Variants in VIPR1 observed in about 807,000 individuals in gnomAD.
The protein encoded by VIPR1 is vasoactive intestinal polypeptide receptor 1.
VIPR1 carries 59 observed loss-of-function variants against 58.8 expected under a neutral mutation model. The ratio of observed to expected loss-of-function variants is 1.00; its 90% confidence interval spans 0.81 to 1.25. The LOEUF (loss-of-function observed/expected upper bound fraction) is 1.25, where lower values mean the gene tolerates loss of function less well. Among genes scored for constraint, VIPR1 ranks in the 50% most tolerant of loss-of-function variants. The probability of loss-of-function intolerance (pLI) is 0.00; values close to 1 mark genes in which losing one functional copy is unlikely to be tolerated. For missense variants in VIPR1, 626 were observed against 602.7 expected (o/e 1.04, Z -0.40); for synonymous variants, 251 against 242.1 (o/e 1.04, Z -0.34).
chr3:42,536,116 G>C lies in VIPR1; in HGVS notation c.1209G>C (p.Trp403Cys), dbSNP rs767524707. Residue 403 changes from tryptophan to cysteine, a missense_variant, in exon 13 of 13, where the codon TGG (tryptophan) becomes TGC (cysteine). Coordinates refer to ENST00000325123, the MANE Select transcript of VIPR1 (RefSeq NM_004624.4). ...TGCAGGCGGAGCTGAGGCGGAAGTG[G>C]CGGCGCTGGCACCTGCAGGGCGTCC... Reference protein sequence around the residue: ...GEVQAELRRKWRRWHLQGVLG... With the variant: ...GEVQAELRRKCRRWHLQGVLG... 2 of 1,603,368 alleles carry C rather than the reference G, an allele frequency of 1.2e-6. No individual in the cohort carries two copies. The highest frequency in any genetic ancestry group is 4.5e-5 in the East Asian group (2 of 44,332).
At chr3:42,532,411 C>A in intron 10 of VIPR1, 78 bp downstream of exon 10, 3 of 1,425,744 alleles carry the variant, frequency 2.1e-6, no homozygotes, top group African/African-American at 1.4e-5. Context: ...CCTTGAAGTC[C>A]TCCCACCCCA....
chr3:42,523,794 A>G (rs918905385), intron 3 of VIPR1, among the ~76,000 whole-genome samples: 1 of 151,782 alleles, frequency 6.6e-6, no homozygotes, highest in Non-Finnish European at 1.5e-5. Flanking sequence ...CCCAGCTTCA[A>G]GGCTGGGTGA....
chr3:42,510,673 C>T (rs1700318516), intron 1 of VIPR1, among the ~76,000 whole-genome samples: 1 of 152,150 alleles, frequency 6.6e-6, no homozygotes, highest in Non-Finnish European at 1.5e-5. Flanking sequence ...TTTGGGTCTC[C>T]ATTTCCTCTA....
At chr3:42,531,961 T>A in intron 9 of VIPR1, 92 bp downstream of exon 9, 2 of 1,454,394 alleles carry the variant, frequency 1.4e-6, no homozygotes, top group Admixed American at 3.6e-5. Context: ...AGTATCTAGG[T>A]CAGAACTGAA....
intron 3 of VIPR1, among the ~76,000 whole-genome samples, chr3:42,522,101 A>ATATATATATT (rs1419353370): frequency 2.8e-5 from 1 of 35,380 alleles, no homozygotes; most frequent in African/African-American, 1.1e-4. Context: ...ATATATATAT[A>ATATATATATT]TTTTTTTTTT....
intron 3 of VIPR1, among the ~76,000 whole-genome samples, chr3:42,521,084 C>T (rs531397907): frequency 6.6e-6 from 1 of 152,190 alleles, no homozygotes; most frequent in African/African-American, 2.4e-5. Context: ...TGAGACTCTG[C>T]TAACTGCATT....
At chr3:42,498,249 G>A (rs1005788774), upstream of VIPR1, among the ~76,000 whole-genome samples, 56 of 152,198 alleles carry the variant, frequency 3.7e-4, no homozygotes, top group East Asian at 1.9e-4. Context: ...TTGTCAATAG[G>A]TCTATGACTG....
intron 4 of VIPR1, among the ~76,000 whole-genome samples, chr3:42,527,080 A>G (rs1237976788): frequency 6.6e-6 from 1 of 151,982 alleles, no homozygotes; most frequent in Non-Finnish European, 1.5e-5. Context: ...ATGGCTGGAG[A>G]CATGAAATTA....
chr3:42,507,404 G>C (rs905756566), intron 1 of VIPR1: 1 of 152,248 alleles, frequency 6.6e-6, no homozygotes, highest in African/African-American at 2.4e-5. Flanking sequence ...TATCTCTCAG[G>C]AAGTGCCTCC....
chr3:42,513,576 G>A, intron 1 of VIPR1, 173 bp from the exon 2 acceptor site: 2 of 627,960 alleles, frequency 3.2e-6, no homozygotes, highest in Non-Finnish European at 5.4e-6. Context: ...AGGTTTGGGG[G>A]CAATGGACAA....
chr3:42,536,211 C>T lies in VIPR1; in HGVS notation c.1304C>T (p.Ser435Phe). Residue 435 changes from serine to phenylalanine, a missense_variant, in exon 13 of 13, where the codon TCC becomes TTC. By Grantham distance (155) the Ser-to-Phe change is radical (BLOSUM62 -2). Transcript: ENST00000325123. ...SNGATCSTQV[S>F]MLTRVSPGAR... ...GGCGCCACGTGCAGCACGCAGGTTT[C>T]CATGCTGACCCGCGTCAGCCCAGGT... 6.3e-7 allele frequency: 1 copy of T among 1,593,300 alleles called. No individual in the cohort carries two copies. The highest frequency in any genetic ancestry group is 8.5e-7 in the Non-Finnish European group (1 of 1,171,386).
At chr3:42,490,073 A>G (rs1577186211) in intron 1 of VIPR1, among the ~76,000 whole-genome samples, 1 of 151,852 alleles carries the variant, frequency 6.6e-6, no homozygotes, top group South Asian at 2.1e-4. Flanking sequence ...CCTCATTCCT[A>G]CAAGAGACTC....
rs1012006346 is a variant in VIPR1 at position 42,502,658 on chromosome 3, C to G, written c.-78C>G. The G allele has an allele frequency of 5.3e-6, 6 of 1,123,988 alleles. No individual in the cohort carries two copies. Among genetic ancestry groups the G allele is most frequent in the African/African-American group, 4.9e-5 (3 of 61,192 alleles). 69.6% of individuals were successfully genotyped at this position (1,123,988 alleles called of 1,614,324 possible). A position where few individuals can be genotyped will look rare whatever the true frequency, so the allele number is the denominator to read the frequency against. ...CGCCAGCGCCACTCTGCCAGGCTCC[C>G]GGCCATCGCCCGCCTGGTGCGCCGC... On this transcript the variant is annotated 5_prime_UTR_variant, in exon 1 of 13. Transcript: ENST00000325123.
intron 3 of VIPR1, among the ~76,000 whole-genome samples, chr3:42,522,935 C>A (rs961950435): frequency 6.6e-6 from 1 of 152,144 alleles, no homozygotes; most frequent in African/African-American, 2.4e-5. Context: ...CCCTTGCCAC[C>A]CTTCTGGTCG....
chr3:42,499,240 C>G (rs1225742445), upstream of VIPR1, among the ~76,000 whole-genome samples: 4 of 152,350 alleles, frequency 2.6e-5, no homozygotes, highest in South Asian at 4.1e-4. Flanking sequence ...CCCCCCAGCC[C>G]CCTTCCCACT....
chr3:42,534,794 CACTGCAGCTGTGGA>C (rs1701754105), intron 10 of VIPR1, 167 bp from the exon 11 acceptor site: 15 of 723,722 alleles, frequency 2.1e-5, no homozygotes, highest in Non-Finnish European at 2.8e-5. Context: ...AGGGCAGAGG[CACTGCAGCTGTGGA>C]ACAGGAGCAG....
upstream of VIPR1, chr3:42,502,033 T>C (rs1699887074): frequency 6.6e-6 from 1 of 152,238 alleles, no homozygotes; most frequent in African/African-American, 2.4e-5. Flanking sequence ...GAGTCGGGCC[T>C]CTTTCGAGCC....
chr3:42,499,329 C>T (rs1054178093), upstream of VIPR1, among the ~76,000 whole-genome samples: 7 of 152,182 alleles, frequency 4.6e-5, no homozygotes, highest in African/African-American at 7.2e-5. Flanking sequence ...TGAGAGGAGG[C>T]GAGGGCGGCA....
At chr3:42,503,836 T>A (rs572930831) in intron 1 of VIPR1, among the ~76,000 whole-genome samples, 2 of 152,308 alleles carry the variant, frequency 1.3e-5, no homozygotes, top group African/African-American at 4.8e-5. Context: ...AGGCAGGGCC[T>A]TAAATGCCCA....
Sources: gnomAD v4.1 joint callset for allele counts (sites outside exome capture counted in the v4.1 genomes callset) on GRCh38, gnomAD v4.1.1 for gene constraint, MANE v1.5 for transcripts, NCBI Gene and HGNC (gene_info 2026-07-23, HGNC 2026-07-21) for gene names.